Variants in FAM107B observed in about 807,000 individuals in gnomAD.
FAM107B encodes protein FAM107B.
In FAM107B, 21 loss-of-function variants were observed where a neutral mutation model predicts 31.5. The ratio of observed to expected loss-of-function variants is 0.67; its 90% CI spans 0.47 to 0.96. The LOEUF is 0.96. Among genes scored for constraint, FAM107B ranks in the 40% least tolerant of loss-of-function variants. The pLI is 0.00. For synonymous variants in FAM107B, 157 were observed against 141.5 expected (o/e 1.11, Z -0.78); for missense variants, 452 against 377.1 (o/e 1.20, Z -1.64).
chr10:14,635,698 C>T (rs1341363645), intron 2 of FAM107B, among the ~76,000 whole-genome samples: 1 of 152,082 alleles, frequency 6.6e-6, no homozygotes, highest in African/African-American at 2.4e-5. Context: ...GTGGCGTGAT[C>T]TCAGCTCACT....
chr10:14,704,494 C>T (rs762555728), intron 1 of FAM107B, among the ~76,000 whole-genome samples: 44 of 152,164 alleles, frequency 2.9e-4, no homozygotes, highest in Non-Finnish European at 5.6e-4. Context: ...AGGTCTCTGA[C>T]AAAATCTACA....
chr10:14,658,602 G>A (rs887560160), intron 2 of FAM107B, among the ~76,000 whole-genome samples: 2 of 152,214 alleles, frequency 1.3e-5, no homozygotes, highest in African/African-American at 4.8e-5. Context: ...AGAATTGTGC[G>A]AGGAGCTGGG....
rs1023466012 is a variant in FAM107B, at chr10:14,574,322, C to T, written c.470-43807G>A. On this transcript the variant is annotated intron_variant, in intron 2 of 4. Coordinates refer to ENST00000181796, the MANE Select transcript of FAM107B (RefSeq NM_031453.4). ...ACGGTGGATATAATCTATCCAATAT[C>T]TCAAAACTGAACCCTAGTTTTGTTG... Among the ~76,000 whole-genome samples, 3 of 152,334 alleles carry T rather than the reference C, an allele frequency of 2.0e-5. No homozygotes were observed. In the South Asian group the frequency reaches 6.2e-4, roughly 32 times the overall value.
At chr10:14,579,756 T>C (rs1480252332) in intron 2 of FAM107B, among the ~76,000 whole-genome samples, 3 of 152,346 alleles carry the variant, frequency 2.0e-5, no homozygotes, top group African/African-American at 7.2e-5. Flanking sequence ...AAGTCATACA[T>C]GTCTCATGCC....
chr10:14,553,886 T>G (rs1440229843), intron 2 of FAM107B, among the ~76,000 whole-genome samples: 1 of 152,134 alleles, frequency 6.6e-6, no homozygotes, highest in Admixed American at 6.6e-5. Context: ...TTGCCCAAAT[T>G]CATAAAATTC....
At chr10:14,734,481 T>G (rs915335072) in intron 1 of FAM107B, among the ~76,000 whole-genome samples, 1 of 150,318 alleles carries the variant, frequency 6.7e-6, no homozygotes, top group African/African-American at 2.5e-5. Flanking sequence ...TGAAATCTTT[T>G]TGTGAGGTTT....
chr10:14,707,146 C>T (rs556535679), intron 1 of FAM107B, among the ~76,000 whole-genome samples: 1 of 150,368 alleles, frequency 6.7e-6, no homozygotes, highest in South Asian at 2.1e-4. Flanking sequence ...AAAACAACAA[C>T]AACAAAAAAA....
intron 2 of FAM107B, among the ~76,000 whole-genome samples, chr10:14,614,211 A>T (rs1355152398): frequency 1.3e-5 from 2 of 152,172 alleles, no homozygotes; most frequent in African/African-American, 4.8e-5. Flanking sequence ...CACAGATCAC[A>T]TGAGGTCCTG....
At chr10:14,737,766 T>TCTC in intron 1 of FAM107B, among the ~76,000 whole-genome samples, 1 of 127,050 alleles carries the variant, frequency 7.9e-6, no homozygotes, top group South Asian at 2.7e-4. Flanking sequence ...CGTGCACGCT[T>TCTC]TCTCTCTCTC....
intron 2 of FAM107B, among the ~76,000 whole-genome samples, chr10:14,660,749 T>G (rs1271262870): frequency 6.6e-6 from 1 of 152,080 alleles, no homozygotes; most frequent in Non-Finnish European, 1.5e-5. Context: ...AAGAAGAGAG[T>G]AAATGAAGCC....
chr10:14,724,746 T>C (rs1588733068), intron 1 of FAM107B, among the ~76,000 whole-genome samples: 1 of 149,760 alleles, frequency 6.7e-6, no homozygotes, highest in Non-Finnish European at 1.5e-5. Context: ...CCACTAATAG[T>C]GAGGACAGGA....
chr10:14,754,767 A>G (rs186419902), intron 1 of FAM107B, among the ~76,000 whole-genome samples: 85 of 152,346 alleles, frequency 5.6e-4, no homozygotes, highest in Middle Eastern at 3.4e-3. Flanking sequence ...TTGTGCCTGT[A>G]AGATGCAGAT....
At chr10:14,605,126 A>C (rs1454887771) in intron 2 of FAM107B, among the ~76,000 whole-genome samples, 2 of 152,214 alleles carry the variant, frequency 1.3e-5, no homozygotes, top group Admixed American at 6.5e-5. Flanking sequence ...TAATTGTACA[A>C]ATTTACGGTC....
At position 14,625,259 on chromosome 10, in the gene FAM107B, CGTGTGTGT is replaced by C. The variant is rs55688523; in HGVS notation, c.469+42367_469+42374del. On this transcript the variant is annotated intron_variant, in intron 2 of 4. Transcript: ENST00000181796. ...AAAAAAAAGGAATGTCGTGTGCGTG[CGTGTGTGT>C]GTGTGTGTGTGTATGTGTGTGTATC... is the stretch of plus-strand genomic sequence containing the variant. Among the ~76,000 whole-genome samples, 14 of 146,218 alleles carry C rather than the reference CGTGTGTGT, an allele frequency of 9.6e-5. No homozygotes were observed. The East Asian group carries it at 1.0e-3, about 11-fold the overall frequency.
chr10:14,619,632 T>C (rs908049829), intron 2 of FAM107B, among the ~76,000 whole-genome samples: 2 of 147,772 alleles, frequency 1.4e-5, no homozygotes, highest in Non-Finnish European at 3.0e-5. Context: ...ACAATGTATT[T>C]TGAAGAAGAA....
intron 1 of FAM107B, among the ~76,000 whole-genome samples, chr10:14,678,077 C>T (rs1854732922): frequency 6.6e-6 from 1 of 152,154 alleles, no homozygotes; most frequent in African/African-American, 2.4e-5. Context: ...GCCACAGAAG[C>T]GAGTAAGTGC....
chr10:14,596,209 C>T (rs149971804), intron 2 of FAM107B, among the ~76,000 whole-genome samples: 1 of 151,972 alleles, frequency 6.6e-6, no homozygotes, highest in East Asian at 2.0e-4. Context: ...TTCTCCTCCT[C>T]GGAGGAGCCT....
At chr10:14,694,106 T>A (rs1020826372) in intron 1 of FAM107B, among the ~76,000 whole-genome samples, 3 of 152,220 alleles carry the variant, frequency 2.0e-5, no homozygotes, top group African/African-American at 7.2e-5. Flanking sequence ...AGTTTCTTTA[T>A]CCATTCATGC....
intron 3 of FAM107B, among the ~76,000 whole-genome samples, chr10:14,524,065 C>G (rs1454295804): frequency 1.4e-5 from 2 of 143,444 alleles, no homozygotes; most frequent in African/African-American, 5.2e-5. Flanking sequence ...TTTTGAGATA[C>G]AGTTTTCCTC....
Sources: allele counts gnomAD v4.1 joint callset (sites outside exome capture counted in the v4.1 genomes callset), GRCh38; gene constraint gnomAD v4.1.1; transcripts MANE v1.5; gene names NCBI Gene and HGNC (gene_info 2026-07-23, HGNC 2026-07-21).